KDM6A: variants seen among roughly 807,000 people sequenced by gnomAD.
The protein encoded by KDM6A is lysine-specific demethylase 6A.
A neutral mutation model predicts 117.6 loss-of-function variants in KDM6A; 11 were observed. The observed-to-expected ratio is 0.09, with a 90% CI of 0.06 to 0.15. KDM6A has a LOEUF of 0.15. Ranked by LOEUF, KDM6A falls within the 10% of genes least tolerant of loss-of-function variation. The pLI is 1.00. For missense variants in KDM6A, 799 were observed against 1,077.3 expected (o/e 0.74, Z 3.62); for synonymous variants, 384 against 396.1 (o/e 0.97, Z 0.36).
At chrX:45,085,808 C>T (rs910365834) in intron 24 of KDM6A, 57 bp from the exon 25 acceptor site, 17 of 632,822 alleles carry the variant, frequency 2.7e-5, no homozygotes, top group East Asian at 2.0e-4. Context: ...GTATAAGTAC[C>T]GTGTGCTAAC....
chrX:45,067,653 G>GC lies in KDM6A; in HGVS notation c.2080-1926_2080-1925insC, dbSNP rs1269431540. Among the ~76,000 whole-genome samples the GC allele has an allele frequency of 1.9e-4, 16 of 83,304 alleles. No homozygotes were observed. The East Asian group carries it at 2.5e-3, about 13-fold the overall frequency. 72.3% of individuals were successfully genotyped at this position (83,304 alleles called of 115,157 possible). A position where few individuals can be genotyped will look rare whatever the true frequency, so the allele number is the denominator to read the frequency against. ...ACTCACTGGTGTGTATCTTTTTTTTGTTTTTTTTTTTTTTTTTGAGATGGA... is the reference window on the plus strand; with the variant it reads ...ACTCACTGGTGTGTATCTTTTTTTTGCTTTTTTTTTTTTTTTTTGAGATGGA... On this transcript the variant is annotated intron_variant, in intron 17 of 29. Coordinates refer to ENST00000611820, the MANE Select transcript of KDM6A (RefSeq NM_001291415.2).
chrX:44,939,967 C>T (rs186199645), intron 2 of KDM6A, among the ~76,000 whole-genome samples: 78 of 112,544 alleles, frequency 6.9e-4, no homozygotes, highest in Middle Eastern at 4.7e-3. Context: ...CCAAAAAATT[C>T]ATGTGACTCA....
At chrX:44,915,257 A>G (rs2035477852) in intron 2 of KDM6A, among the ~76,000 whole-genome samples, 1 of 112,245 alleles carries the variant, frequency 8.9e-6, no homozygotes, top group African/African-American at 3.2e-5. Flanking sequence ...CAAGAACAGA[A>G]AGGGCACAAA....
intron 7 of KDM6A, among the ~76,000 whole-genome samples, chrX:45,036,889 T>C (rs1039339724): frequency 5.3e-5 from 6 of 112,958 alleles, no homozygotes; most frequent in African/African-American, 1.9e-4. Flanking sequence ...GAGAGAAAAA[T>C]GTCTGCATAG....
At chrX:45,004,045 C>T (rs1484788226) in intron 4 of KDM6A, among the ~76,000 whole-genome samples, 1 of 110,571 alleles carries the variant, frequency 9.0e-6, no homozygotes, top group Non-Finnish European at 1.9e-5. Flanking sequence ...GACAGAGCCC[C>T]TGACCTCCCT....
At chrX:45,070,633 C>T (rs1240333525) in intron 18 of KDM6A, among the ~76,000 whole-genome samples, 2 of 110,205 alleles carry the variant, frequency 1.8e-5, no homozygotes, top group Non-Finnish European at 3.8e-5. Context: ...TGATTGACTT[C>T]GCTCTGGGGA....
intron 27 of KDM6A, among the ~76,000 whole-genome samples, chrX:45,098,524 G>A (rs1234442588): frequency 8.9e-6 from 1 of 112,820 alleles, no homozygotes; most frequent in Non-Finnish European, 1.9e-5. Flanking sequence ...GAAGAAATGA[G>A]TTGGGTGTAG....
chrX:44,975,720 A>G (rs2039583395), intron 4 of KDM6A, among the ~76,000 whole-genome samples: 1 of 112,105 alleles, frequency 8.9e-6, no homozygotes, highest in Non-Finnish European at 1.9e-5. Flanking sequence ...CAGCTGATAG[A>G]GGCAGGAGGC....
chrX:45,097,057 C>G lies in KDM6A; in HGVS notation c.4034+6193C>G, dbSNP rs757352782. Among the ~76,000 whole-genome samples, 6 of 110,928 alleles carry G rather than the reference C, an allele frequency of 5.4e-5. No homozygotes were observed. In the South Asian group the frequency reaches 2.3e-3, roughly 42 times the overall value. ...AATAAGAATGAGATCATCTTTTTTC[C>G]AGGAACATGGATGGAGCTGGAGGCC... On this transcript the variant is annotated intron_variant, in intron 27 of 29. Transcript: ENST00000611820.
At chrX:44,958,344 G>A (rs1024067902) in intron 2 of KDM6A, among the ~76,000 whole-genome samples, 3 of 108,811 alleles carry the variant, frequency 2.8e-5, no homozygotes, top group African/African-American at 1.0e-4. Flanking sequence ...CACTACGCTT[G>A]GCTCATTTTT....
intron 10 of KDM6A, among the ~76,000 whole-genome samples, chrX:45,056,923 C>T (rs2044096342): frequency 9.0e-6 from 1 of 111,679 alleles, no homozygotes; most frequent in African/African-American, 3.2e-5. Flanking sequence ...ATCTGTTAAG[C>T]ATTCCCTTTC....
At chrX:44,951,268 A>G (rs910400105) in intron 2 of KDM6A, among the ~76,000 whole-genome samples, 1 of 111,723 alleles carries the variant, frequency 9.0e-6, no homozygotes, top group Non-Finnish European at 1.9e-5. Context: ...TATTCCTAAC[A>G]TTTGCCAAAA....
chrX:45,108,632 T>G (rs899123288), intron 28 of KDM6A, among the ~76,000 whole-genome samples: 30 of 104,114 alleles, frequency 2.9e-4, no homozygotes, highest in African/African-American at 9.5e-4. Flanking sequence ...TATACCCAAA[T>G]GACTATAAAT....
chrX:45,040,637 T>C (rs1602685237), intron 8 of KDM6A, among the ~76,000 whole-genome samples: 3 of 71,586 alleles, frequency 4.2e-5, no homozygotes, highest in African/African-American at 1.1e-4. Context: ...ATCACACCAC[T>C]TCCCTCCCGG....
intron 2 of KDM6A, 134 bp downstream of exon 2, chrX:44,874,121 G>A: frequency 1.8e-6 from 1 of 568,459 alleles, no homozygotes; most frequent in African/African-American, 2.3e-5. Flanking sequence ...ACTATTTCCT[G>A]CCTCTGCTCT....
In KDM6A at chrX:45,059,315, A is replaced by T. The variant is rs1397939870; in HGVS notation, c.1043A>T (p.Asp348Val). ...LQAYICAVQL[D>V]HGHAAAWMDL... is the part of the protein sequence containing the mutation. ...GCCTATATTTGTGCTGTACAATTGGACCATGGCCATGCTGCAGCCTGGATG... is the reference window on the plus strand; with the variant it reads ...GCCTATATTTGTGCTGTACAATTGGTCCATGGCCATGCTGCAGCCTGGATG... The change falls in exon 12 of 30, where the codon GAC becomes GTC. Residue 348 changes from aspartate to valine, a missense_variant. By Grantham distance (152) the Asp-to-Val change is radical (BLOSUM62 -3). Around this residue, in one of 8 missense-constraint regions of KDM6A, gnomAD observed 36 missense variants for 44.4 expected, o/e 0.81. Transcript: ENST00000611820. The T allele has an allele frequency of 3.3e-6, 4 of 1,209,118 alleles. No homozygotes were observed. The highest frequency in any genetic ancestry group is 4.5e-6 in the Non-Finnish European group (4 of 894,984).
At position 45,004,020 on chromosome X, in the gene KDM6A, A is replaced by T. The variant is rs139783478; in HGVS notation, c.385-6941A>T. On this transcript the variant is annotated intron_variant, in intron 4 of 29. Transcript: ENST00000611820. The stretch of plus-strand genomic sequence containing the variant: ...CTTTCCCCTTTTACCCCGGAGAGGG[A>T]CTCAAGATAAAAGAGACAGAGCCCC... Among the ~76,000 whole-genome samples, 910 of 108,233 alleles carry T rather than the reference A, an allele frequency of 8.4e-3. 11 individuals are homozygous for T. Among genetic ancestry groups the T allele is most frequent in the African/African-American group, 0.03 (875 of 29,517 alleles). The allele number at this position is 108,233 out of a possible 115,157, so 94.0% of individuals were successfully genotyped here. A position where few individuals can be genotyped will look rare whatever the true frequency, so the allele number is the denominator to read the frequency against.
intron 9 of KDM6A, 105 bp from the exon 10 acceptor site, chrX:45,053,724 T>G: frequency 1.6e-6 from 1 of 637,170 alleles, no homozygotes; most frequent in Non-Finnish European, 2.5e-6. Flanking sequence ...AATTAATAAA[T>G]TGACAGAAAA....
chrX:44,931,117 C>T (rs973254415), intron 2 of KDM6A, among the ~76,000 whole-genome samples: 2 of 110,999 alleles, frequency 1.8e-5, no homozygotes, highest in African/African-American at 6.6e-5. Flanking sequence ...CACTCCGTCA[C>T]CCAGGCTGGA....
Sources: allele counts gnomAD v4.1 joint callset (sites outside exome capture counted in the v4.1 genomes callset), GRCh38; gene constraint gnomAD v4.1.1; regional missense constraint gnomAD v4.1.1; transcripts MANE v1.5; gene names NCBI Gene and HGNC (gene_info 2026-07-23, HGNC 2026-07-21).